The following EXT1 variants were observed in gnomAD, a reference collection of about 807,000 sequenced individuals.
EXT1 encodes the protein exostosin glycosyltransferase 1, also known as exostosin-1.
A neutral mutation model predicts 82.5 loss-of-function variants in EXT1; 20 were observed. The observed-to-expected ratio is 0.24, with a 90% CI of 0.17 to 0.35. The LOEUF is 0.35. Among genes scored for constraint, EXT1 ranks in the 10% least tolerant of loss-of-function variants. The pLI, the probability that EXT1 is intolerant of heterozygous loss-of-function variation, is 1.00. For missense variants in EXT1, 757 were observed against 936.5 expected, an observed-to-expected ratio of 0.81 and a Z score of 2.50; for synonymous variants, 348 against 350.8, an observed-to-expected ratio of 0.99 and a Z score of 0.09.
At chr8:117,880,941 T>G (rs1387370801) in intron 1 of EXT1, among the ~76,000 whole-genome samples, 1 of 152,190 alleles carries the variant, frequency 6.6e-6, no homozygotes, top group Non-Finnish European at 1.5e-5. Flanking sequence ...ATCGACCTAT[T>G]AACCTTTTTA....
At chr8:117,804,935 C>T (rs1191984488) in intron 9 of EXT1, 42 bp from the exon 10 acceptor site, 3 of 1,603,100 alleles carry the variant, frequency 1.9e-6, no homozygotes, top group Non-Finnish European at 1.7e-6. Context: ...GCCATTATCA[C>T]ATGATGACAA....
At chr8:117,972,872 A>T (rs1639640001) in intron 1 of EXT1, among the ~76,000 whole-genome samples, 1 of 152,178 alleles carries the variant, frequency 6.6e-6, no homozygotes, top group Non-Finnish European at 1.5e-5. Context: ...CATGAAGGTA[A>T]CTACCCCTAT....
chr8:118,100,379 G>C (rs1169294384), intron 1 of EXT1, among the ~76,000 whole-genome samples: 1 of 152,134 alleles, frequency 6.6e-6, no homozygotes, highest in Non-Finnish European at 1.5e-5. Context: ...AACCGGCCGA[G>C]GGAGGCTTCC....
intron 7 of EXT1, among the ~76,000 whole-genome samples, chr8:117,816,153 T>A (rs770252624): frequency 1.1e-4 from 16 of 152,126 alleles, no homozygotes; most frequent in Non-Finnish European, 2.1e-4. Context: ...AATCTGATCT[T>A]TTTGGCTACC....
At chr8:117,992,575 C>T (rs1279916051) in intron 1 of EXT1, among the ~76,000 whole-genome samples, 2 of 151,980 alleles carry the variant, frequency 1.3e-5, no homozygotes, top group Admixed American at 1.3e-4. Flanking sequence ...AAGAGTCTTC[C>T]AGGCCTCATA....
chr8:117,914,439 A>G (rs1032903529), intron 1 of EXT1, among the ~76,000 whole-genome samples: 1 of 152,224 alleles, frequency 6.6e-6, no homozygotes, highest in Non-Finnish European at 1.5e-5. Context: ...TTTAGGGAAC[A>G]AGGGAAGACA....
chr8:117,885,486 G>GT (rs1813131171), intron 1 of EXT1, among the ~76,000 whole-genome samples: 7 of 67,156 alleles, frequency 1.0e-4, no homozygotes, highest in Non-Finnish European at 5.7e-5. Context: ...AAAATGGAAA[G>GT]TAACAGACAA....
chr8:117,848,631 G>A (rs573416891), intron 1 of EXT1, among the ~76,000 whole-genome samples: 1 of 152,148 alleles, frequency 6.6e-6, no homozygotes, highest in South Asian at 2.1e-4. Flanking sequence ...AGCACTCTGA[G>A]CACTGGGACG....
At chr8:117,924,391 G>A (rs990506539) in intron 1 of EXT1, among the ~76,000 whole-genome samples, 2 of 152,146 alleles carry the variant, frequency 1.3e-5, no homozygotes, top group African/African-American at 2.4e-5. Context: ...AAGCCAACGG[G>A]AACAATGCTA....
chr8:117,884,413 C>T (rs1456784038), intron 1 of EXT1, among the ~76,000 whole-genome samples: 2 of 152,166 alleles, frequency 1.3e-5, no homozygotes, highest in East Asian at 1.9e-4. Context: ...AGTCTGCAGC[C>T]ACTTGGAGGT....
intron 1 of EXT1, among the ~76,000 whole-genome samples, chr8:117,857,044 A>G (rs887398696): frequency 6.6e-6 from 1 of 152,228 alleles, no homozygotes; most frequent in African/African-American, 2.4e-5. Context: ...AGATGGAACA[A>G]TAAAGCCTAG....
chr8:118,056,554 G>T (rs17451428), intron 1 of EXT1, among the ~76,000 whole-genome samples: 1 of 152,038 alleles, frequency 6.6e-6, no homozygotes, highest in African/African-American at 2.4e-5. Flanking sequence ...TCACACATGC[G>T]GGCAAGTCTG....
In EXT1 at chr8:117,912,084, A is replaced by G. The variant is rs190667049; in HGVS notation, c.963-74883T>C. On this transcript the variant is annotated intron_variant, in intron 1 of 10. Transcript: ENST00000378204. ...TTAGGCACCTGAAGAAGAAGAAGAA[A>G]AAAAGACTATTGAAGACAAGGTGTT... is the stretch of plus-strand genomic sequence containing the variant. Among the ~76,000 whole-genome samples, 309 of 152,184 alleles carry G rather than the reference A, an allele frequency of 2.0e-3. 1 individual carries two copies. Among genetic ancestry groups the G allele is most frequent in the South Asian group, 0.014 (66 of 4,824 alleles).
chr8:117,956,159 C>T (rs966376385), intron 1 of EXT1, among the ~76,000 whole-genome samples: 5 of 143,562 alleles, frequency 3.5e-5, no homozygotes, highest in African/African-American at 1.3e-4. Flanking sequence ...GTGATAACTA[C>T]GGATTTTTTT....
intron 1 of EXT1, among the ~76,000 whole-genome samples, chr8:118,032,127 A>C (rs79236656): frequency 7.3e-6 from 1 of 137,112 alleles, no homozygotes; most frequent in South Asian, 2.7e-4. Flanking sequence ...CCATTACTCA[A>C]TGGCCAAAAC....
At chr8:117,931,750 T>C (rs530308486) in intron 1 of EXT1, among the ~76,000 whole-genome samples, 5 of 152,368 alleles carry the variant, frequency 3.3e-5, no homozygotes, top group South Asian at 4.1e-4. Flanking sequence ...ATCATATCCA[T>C]CTATGTTTTA....
chr8:117,922,757 G>C (rs1563602141), intron 1 of EXT1, among the ~76,000 whole-genome samples: 1 of 152,122 alleles, frequency 6.6e-6, no homozygotes, highest in East Asian at 1.9e-4. Flanking sequence ...TCTGGACAGG[G>C]CTCAGGCAGC....
At chr8:118,027,493 C>A (rs952234665) in intron 1 of EXT1, among the ~76,000 whole-genome samples, 8 of 152,220 alleles carry the variant, frequency 5.3e-5, no homozygotes, top group African/African-American at 9.6e-5. Flanking sequence ...TAGCTCAAGT[C>A]TTTGGACTAT....
intron 1 of EXT1, among the ~76,000 whole-genome samples, chr8:118,030,640 C>T (rs1278535263): frequency 1.3e-5 from 2 of 152,126 alleles, no homozygotes; most frequent in East Asian, 1.9e-4. Context: ...TGCCACCACG[C>T]CCAGCTAATT....
Sources: allele counts gnomAD v4.1 joint callset (sites outside exome capture counted in the v4.1 genomes callset), GRCh38; gene constraint gnomAD v4.1.1; transcripts MANE v1.5; gene names NCBI Gene and HGNC (gene_info 2026-07-23, HGNC 2026-07-21).